The following NFKB1 variants were observed in gnomAD, a reference collection of about 807,000 sequenced individuals.
NFKB1 encodes nuclear factor NF-kappa-B p105 subunit.
Under a neutral mutation model 105.1 loss-of-function variants are expected in NFKB1, and 9 were observed. The ratio of observed to expected loss-of-function variants is 0.09; its 90% confidence interval spans 0.05 to 0.15. The LOEUF (loss-of-function observed/expected upper bound fraction) is 0.15, where lower values mean the gene tolerates loss of function less well. Among genes scored for constraint, NFKB1 ranks in the 10% least tolerant of loss-of-function variants. The pLI, the probability that NFKB1 is intolerant of heterozygous loss-of-function variation, is 1.00. For synonymous variants in NFKB1, 440 were observed against 442.2 expected, an observed-to-expected ratio of 1.00 and a Z score of 0.06; for missense variants, 830 against 1,203.7, an observed-to-expected ratio of 0.69 and a Z score of 4.59.
intron 6 of NFKB1, among the ~76,000 whole-genome samples, chr4:102,567,495 A>G (rs1445512937): frequency 6.6e-6 from 1 of 152,222 alleles, no homozygotes; most frequent in Admixed American, 6.5e-5. Flanking sequence ...TTAAAGAAAC[A>G]TAACTATAGC....
intron 1 of NFKB1, among the ~76,000 whole-genome samples, chr4:102,509,350 T>C (rs2149096582): frequency 6.6e-6 from 1 of 152,326 alleles, no homozygotes; most frequent in Middle Eastern, 3.4e-3. Flanking sequence ...TTACAATTCT[T>C]TTTTTGTGAT....
chr4:102,577,877 T>A, intron 7 of NFKB1: 1 of 985,300 alleles, frequency 1.0e-6, no homozygotes, highest in Non-Finnish European at 1.2e-6. Flanking sequence ...CCTCCCCACT[T>A]CTAATCAAGT....
chr4:102,515,204 G>A (rs1318058327), intron 1 of NFKB1, among the ~76,000 whole-genome samples: 37 of 140,440 alleles, frequency 2.6e-4, no homozygotes, highest in African/African-American at 9.3e-4. Flanking sequence ...TCCGCCTCCC[G>A]GGTTCACGCC....
chr4:102,602,644 T>C (rs1727283972), intron 16 of NFKB1, among the ~76,000 whole-genome samples: 1 of 152,176 alleles, frequency 6.6e-6, no homozygotes. Context: ...TAAAAATTAA[T>C]AGGTTTCCTG....
chr4:102,576,088 A>G (rs988515796), intron 6 of NFKB1, among the ~76,000 whole-genome samples: 4 of 152,216 alleles, frequency 2.6e-5, no homozygotes, highest in African/African-American at 2.4e-5. Flanking sequence ...TTTCTTATAA[A>G]TCATTTTCAT....
At chr4:102,611,986 G>C in intron 20 of NFKB1, 58 bp from the exon 21 acceptor site, 1 of 1,388,082 alleles carries the variant, frequency 7.2e-7, no homozygotes, top group Non-Finnish European at 1.0e-6. Context: ...TAAAGAAACA[G>C]ACTGCCCTAG....
In NFKB1 at chr4:102,601,840, C is replaced by G. The variant is rs926454835; in HGVS notation, c.1752+831C>G. Among the ~76,000 whole-genome samples, 4 of 152,190 alleles carry G rather than the reference C, an allele frequency of 2.6e-5. No individual in the cohort carries two copies. In the South Asian group the frequency reaches 8.3e-4, roughly 31 times the overall value. On this transcript the variant is annotated intron_variant, in intron 16 of 23. Transcript: ENST00000226574. ...TGGGGTTCGGCTCCTGAGGTTTCCT[C>G]CTTCCTGCCCCTGATTGCTTTTCCC...
chr4:102,548,317 G>T lies in NFKB1; in HGVS notation c.258+10361G>T, dbSNP rs575973211. On this transcript the variant is annotated intron_variant, in intron 5 of 23. Coordinates refer to ENST00000226574, the MANE Select transcript of NFKB1 (RefSeq NM_003998.4). ...GGCATATCTGCACAGTCCATGCGAG[G>T]TGTGAGCATCAGTGAAGACCAGTCA... Among the ~76,000 whole-genome samples, 6 of 152,232 alleles carry T rather than the reference G, an allele frequency of 3.9e-5. No individual in the cohort carries two copies. In the South Asian group the frequency reaches 8.3e-4, roughly 21 times the overall value.
rs1189546691 is a variant in NFKB1 at position 102,597,554 on chromosome 4, A to G, written c.1530A>G (p.Ala510=). The G allele has an allele frequency of 6.2e-7, 1 of 1,613,530 alleles. No individual in the cohort carries two copies. Among genetic ancestry groups the G allele is most frequent in the African/African-American group, 1.3e-5 (1 of 74,930 alleles). ...NLFLEKAMQL[A]KRHANALFDY... ...TTCTAGAGAAGGCTATGCAGCTTGC[A>G]AAGAGGCATGCCAATGCCCTTTTCG... The change falls in exon 15 of 24, where the codon GCA becomes GCG. Residue 510 remains alanine, a synonymous_variant. Coordinates refer to ENST00000226574, the MANE Select transcript of NFKB1 (RefSeq NM_003998.4).
intron 11 of NFKB1, among the ~76,000 whole-genome samples, chr4:102,587,866 G>GT (rs1473431588): frequency 6.6e-6 from 1 of 152,128 alleles, no homozygotes; most frequent in African/African-American, 2.4e-5. Flanking sequence ...GGTCAGAAAA[G>GT]TAGTAGGCCA....
At chr4:102,585,065 C>G (rs1034318552) in intron 11 of NFKB1, among the ~76,000 whole-genome samples, 4 of 148,476 alleles carry the variant, frequency 2.7e-5, no homozygotes, top group Non-Finnish European at 4.5e-5. Context: ...TTTTTTTTTA[C>G]TTTTAATAGA....
intron 5 of NFKB1, among the ~76,000 whole-genome samples, chr4:102,544,610 T>C (rs1335453603): frequency 6.6e-6 from 1 of 152,124 alleles, no homozygotes; most frequent in Non-Finnish European, 1.5e-5. Flanking sequence ...AATTGAGACT[T>C]ATAGGTAATT....
chr4:102,501,810 G>A (rs997723330), intron 1 of NFKB1, 22 bp downstream of exon 1: 66 of 152,496 alleles, frequency 4.3e-4, no homozygotes, highest in African/African-American at 1.4e-3. Flanking sequence ...TCGGGCGAGT[G>A]GGGGCCCGGC....
Position 102,616,727 on chromosome 4 carries a change from G to A in NFKB1, c.*133G>A. The A allele has an allele frequency of 1.1e-6, 1 of 915,038 alleles. No individual in the cohort carries two copies. The highest frequency in any genetic ancestry group is 1.6e-6 in the Non-Finnish European group (1 of 626,766). 56.7% of individuals were successfully genotyped at this position (915,038 alleles called of 1,614,324 possible). On this transcript the variant is annotated 3_prime_UTR_variant, in exon 24 of 24. Coordinates refer to ENST00000226574, the MANE Select transcript of NFKB1 (RefSeq NM_003998.4). ...GCCTGAATCATTCTCGATTTAACTC[G>A]AGACCTTTTCAACTTGGCTTCCTTT...
chr4:102,610,778 T>A, intron 20 of NFKB1, 79 bp downstream of exon 20: 1 of 1,509,932 alleles, frequency 6.6e-7, no homozygotes, highest in African/African-American at 1.4e-5. Context: ...ATGGTCTTCC[T>A]GGTGCTTTAT....
At chr4:102,584,904 CAG>C (rs1725593042) in intron 11 of NFKB1, 84 bp downstream of exon 11, 1 of 1,313,618 alleles carries the variant, frequency 7.6e-7, no homozygotes, top group East Asian at 2.6e-5. Flanking sequence ...TGTTTTGAGA[CAG>C]AGTCTGACTC....
At chr4:102,524,267 C>G (rs1431410654) in intron 1 of NFKB1, among the ~76,000 whole-genome samples, 1 of 152,034 alleles carries the variant, frequency 6.6e-6, no homozygotes, top group Non-Finnish European at 1.5e-5. Flanking sequence ...TCAGGGAGGG[C>G]CTCTGGGTAA....
chr4:102,606,911 T>C (rs1227571826), intron 17 of NFKB1, among the ~76,000 whole-genome samples: 1 of 152,242 alleles, frequency 6.6e-6, no homozygotes, highest in Non-Finnish European at 1.5e-5. Flanking sequence ...AGCAGAGGCC[T>C]GAGTAAAGAT....
intron 6 of NFKB1, 28 bp from the exon 7 acceptor site, chr4:102,576,848 G>T: frequency 6.3e-7 from 1 of 1,580,584 alleles, no homozygotes; most frequent in South Asian, 1.2e-5. Context: ...GGTTGTTGTT[G>T]CTGCTGCTGT....
Sources: allele counts gnomAD v4.1 joint callset (sites outside exome capture counted in the v4.1 genomes callset), GRCh38; gene constraint gnomAD v4.1.1; transcripts MANE v1.5; gene names NCBI Gene and HGNC (gene_info 2026-07-23, HGNC 2026-07-21).